The following ARL6IP4 variants were observed in gnomAD, a reference collection of about 807,000 sequenced individuals.
ARL6IP4 encodes the protein ARF like GTPase 6 interacting protein 4.
ARL6IP4 carries 24 observed loss-of-function variants against 28.1 expected under a neutral mutation model. The observed-to-expected ratio is 0.86, with a 90% CI of 0.62 to 1.20. The LOEUF (loss-of-function observed/expected upper bound fraction) is 1.20. Ranked by LOEUF, ARL6IP4 falls within the 50% of genes most tolerant of loss-of-function variation. ARL6IP4 has a pLI of 0.00. For synonymous variants in ARL6IP4, 162 were observed against 122.3 expected (o/e 1.32, Z -2.14); for missense variants, 343 against 302.4 (o/e 1.13, Z -1.00).
intron 1 of ARL6IP4, 47 bp downstream of exon 1, chr12:122,980,792 C>T: frequency 7.7e-7 from 1 of 1,302,558 alleles, no homozygotes; most frequent in Non-Finnish European, 9.7e-7. Context: ...GGCGAGGCCG[C>T]GAAGGGCGCG....
rs773998680 is a variant in ARL6IP4, at chr12:122,981,797, G to A, written c.387G>A (p.Ala129=). Residue 129 remains alanine, a synonymous_variant, in exon 3 of 6, where the codon GCG becomes GCA. Coordinates refer to ENST00000315580, the MANE Select transcript of ARL6IP4 (RefSeq NM_018694.4). The stretch of plus-strand genomic sequence containing the variant: ...TGAAGAAGAAGGGCAAGGAGAAGGC[G>A]GAAGCACAGCAGGTGGAGGCTCTGC... The part of the protein sequence containing the change: ...KKLKKKGKEK[A]EAQQVEALPG... The A allele has an allele frequency of 1.3e-5, 20 of 1,597,806 alleles. No individual in the cohort carries two copies. Among genetic ancestry groups the A allele is most frequent in the East Asian group, 2.3e-5 (1 of 44,082 alleles).
At chr12:122,980,251 C>T, upstream of ARL6IP4, 1 of 1,236,988 alleles carries the variant, frequency 8.1e-7, no homozygotes, top group Non-Finnish European at 1.0e-6. Context: ...GGCTTCCTTC[C>T]GGATGGGCCT....
Position 122,981,745 on chromosome 12 carries a change from GGAA to G in ARL6IP4, c.350_352del (p.Lys117del), listed in dbSNP as rs745875699. 1.1e-4 allele frequency: 174 copies of G among 1,552,174 alleles called. 2 individuals carry two copies. The highest frequency in any genetic ancestry group is 3.9e-4 in the South Asian group (33 of 84,500). On this transcript the variant is annotated inframe_deletion, in exon 3 of 6. Transcript: ENST00000315580. The stretch of plus-strand genomic sequence containing the variant: ...CGGGGGAAGTACAAGGACAAGAGGA[GGAA>G]GAAGAAGAAGAAGAGGAAGAAGCTG...
chr12:122,980,787 G>A, intron 1 of ARL6IP4, 42 bp downstream of exon 1: 2 of 1,303,088 alleles, frequency 1.5e-6, no homozygotes, highest in Middle Eastern at 5.4e-4. Flanking sequence ...GAGGCGGCGA[G>A]GCCGCGAAGG....
chr12:122,980,348 C>G, upstream of ARL6IP4: 12 of 1,308,348 alleles, frequency 9.2e-6, no homozygotes, highest in Non-Finnish European at 1.2e-5. Flanking sequence ...GTGGGCGCGT[C>G]GGAAAGACCA....
In ARL6IP4 at chr12:122,981,668, C is replaced by A; in HGVS notation, c.258C>A (p.Ser86=). 1 of 1,555,054 alleles carries A rather than the reference C, an allele frequency of 6.4e-7. No homozygotes were observed. The highest frequency in any genetic ancestry group is 8.7e-7 in the Non-Finnish European group (1 of 1,149,300). Residue 86 remains serine, a synonymous_variant, in exon 3 of 6, where the codon TCC becomes TCA. Coordinates refer to ENST00000315580, the MANE Select transcript of ARL6IP4 (RefSeq NM_018694.4). ...CCTCTTCTTCCAGTTCTTCTAGCTC[C>A]TCTTCTTCCTCCTCGTCCTCCTCCT... ...SSSSSSSSSS[S]SSSSSSSSSS...
chr12:122,982,468 G>A lies in ARL6IP4; in HGVS notation c.588-1G>A. 1.2e-6 allele frequency: 2 copies of A among 1,612,644 alleles called. No individual in the cohort carries two copies. The highest frequency in any genetic ancestry group is 1.7e-6 in the Non-Finnish European group (2 of 1,179,308). The stretch of plus-strand genomic sequence containing the variant: ...CTGAACGGAGACCCTCCCACCCCCA[G>A]GCTTATTAAGGGAGATGGCGAGGTC... On this transcript the variant is annotated splice_acceptor_variant, in intron 4 of 5. Coordinates refer to ENST00000315580, the MANE Select transcript of ARL6IP4 (RefSeq NM_018694.4). LOFTEE classifies it high-confidence loss of function.
chr12:122,980,343 C>T, upstream of ARL6IP4: 2 of 1,306,858 alleles, frequency 1.5e-6, no homozygotes, highest in Admixed American at 3.1e-5. Flanking sequence ...ACTGGGTGGG[C>T]GCGTCGGAAA....
At position 122,982,861 on chromosome 12, in the gene ARL6IP4, C is replaced by A. The variant is rs541617575; in HGVS notation, c.*185C>A. 46 of 630,464 alleles carry A rather than the reference C, an allele frequency of 7.3e-5. No individual in the cohort carries two copies. In the African/African-American group the frequency reaches 7.3e-4, roughly 10 times the overall value. The allele number at this position is 630,464 out of a possible 1,614,324, so 39.1% of individuals were successfully genotyped here. ...GGGTCACCGGCCTGCTTGGCACCCCCATCTGAAAGAGCAGCACTTCTCAGC... is the reference window on the plus strand; with the variant it reads ...GGGTCACCGGCCTGCTTGGCACCCCAATCTGAAAGAGCAGCACTTCTCAGC... On this transcript the variant is annotated 3_prime_UTR_variant, in exon 6 of 6. Transcript: ENST00000315580.
upstream of ARL6IP4, chr12:122,980,489 G>A (rs2037594242): frequency 2.2e-6 from 3 of 1,365,392 alleles, no homozygotes; most frequent in Admixed American, 3.5e-5. Context: ...GCGCCGAGAG[G>A]GCAGCCTTGG....
At chr12:122,982,253 T>C in intron 4 of ARL6IP4, 179 bp downstream of exon 4, 2 of 816,224 alleles carry the variant, frequency 2.5e-6, no homozygotes, top group Non-Finnish European at 3.9e-6. Flanking sequence ...TGGAGGAGGC[T>C]CTTGAAAGGG....
Position 122,982,503 on chromosome 12 carries a change from A to G in ARL6IP4, c.622A>G (p.Ile208Val). 2.5e-6 allele frequency: 4 copies of G among 1,614,072 alleles called. No homozygotes were observed. The South Asian group carries it at 3.3e-5, about 13-fold the overall frequency. Residue 208 changes from isoleucine (I) to valine (V), a missense_variant, in exon 5 of 6, where the codon ATC becomes GTC. Coordinates refer to ENST00000315580, the MANE Select transcript of ARL6IP4 (RefSeq NM_018694.4). Reference sequence around the variant, plus strand: ...GGGAGATGGCGAGGTCCTAGAGGAAATCGTAACCAAAGAACGACACAGAGA... The same window carrying G: ...GGGAGATGGCGAGGTCCTAGAGGAAGTCGTAACCAAAGAACGACACAGAGA... ...IKGDGEVLEE[I>V]VTKERHREIN...
rs750375982 is a variant in ARL6IP4 at position 122,982,703 on chromosome 12, A to G, written c.*27A>G. ...GGCCCCCGCTGGCCAAGGCCTGTGG[A>G]CGACGCTGGCGGCCCAGCCTGGGCA... On this transcript the variant is annotated 3_prime_UTR_variant, in exon 6 of 6. Transcript: ENST00000315580. The G allele has an allele frequency of 9.3e-6, 15 of 1,608,770 alleles. No individual in the cohort carries two copies. In the South Asian group the frequency reaches 1.5e-4, roughly 17 times the overall value.
Position 122,982,400 on chromosome 12 carries a change from G to C in ARL6IP4, c.588-69G>C, listed in dbSNP as rs961107088. ...CCTGGGACCCCTCTGCCGGCTGCTT[G>C]TGGTTCTGCTCCTCTGGCATTAGGG... is the stretch of plus-strand genomic sequence containing the variant. On this transcript the variant is annotated intron_variant, in intron 4 of 5. Transcript: ENST00000315580. The C allele has an allele frequency of 2.7e-6, 4 of 1,457,548 alleles. No homozygotes were observed. The African/African-American group carries it at 5.6e-5, about 20-fold the overall frequency. The allele number at this position is 1,457,548 out of a possible 1,614,324, so 90.3% of individuals were successfully genotyped here.
chr12:122,982,147 A>C (rs1040674137), intron 4 of ARL6IP4, 73 bp downstream of exon 4: 41 of 1,543,258 alleles, frequency 2.7e-5, no homozygotes, highest in Non-Finnish European at 3.5e-5. Flanking sequence ...TCTCGGGAGG[A>C]GTGGGGCCGG....
Position 122,981,194 on chromosome 12 carries a change from C to A in ARL6IP4, c.55C>A (p.Arg19=). The change falls in exon 2 of 6, where the codon CGG becomes AGG. Residue 19 remains arginine, a synonymous_variant. Transcript: ENST00000315580. ...RSRSRSRSRG[R]GSEKRKKKSR... is the part of the protein sequence containing the mutation. Reference sequence around the variant, plus strand: ...GAGGAGTCGCAGCCGGTCCCGGGGACGGGGGTCGGAAAAGAGAAAGAAGAA... The same window carrying A: ...GAGGAGTCGCAGCCGGTCCCGGGGAAGGGGGTCGGAAAAGAGAAAGAAGAA... The A allele has an allele frequency of 1.3e-6, 2 of 1,549,638 alleles. No individual in the cohort carries two copies. Among genetic ancestry groups the A allele is most frequent in the Non-Finnish European group, 1.7e-6 (2 of 1,146,668 alleles).
At position 122,982,765 on chromosome 12, in the gene ARL6IP4, G is replaced by T; in HGVS notation, c.*89G>T. 1 of 1,377,680 alleles carries T rather than the reference G, an allele frequency of 7.3e-7. No individual in the cohort carries two copies. Among genetic ancestry groups the T allele is most frequent in the Non-Finnish European group, 1.0e-6 (1 of 983,614 alleles). The allele number at this position is 1,377,680 out of a possible 1,614,324, so 85.3% of individuals were successfully genotyped here. ...GCCAGTGGGAAGCCTGATGGGTGCT[G>T]GTGGCCTTTCCCCCGTGGATTGGTC... On this transcript the variant is annotated 3_prime_UTR_variant, in exon 6 of 6. Transcript: ENST00000315580.
intron 1 of ARL6IP4, 185 bp from the exon 2 acceptor site, chr12:122,980,944 G>A: frequency 2.2e-6 from 3 of 1,385,910 alleles, no homozygotes; most frequent in Non-Finnish European, 2.8e-6. Flanking sequence ...CACCGCTGCG[G>A]GGACTGGAGT....
chr12:122,982,549 C>T lies in ARL6IP4; in HGVS notation c.657+11C>T, dbSNP rs2037739407. ...AGAGAGATCAACAAGGTGGGTGTGG[C>T]CCCTCTGCCTGCCATCCGCCCCCAG... is the stretch of plus-strand genomic sequence containing the variant. On this transcript the variant is annotated intron_variant, in intron 5 of 5. Transcript: ENST00000315580. 5 of 1,614,128 alleles carry T rather than the reference C, an allele frequency of 3.1e-6. No individual in the cohort carries two copies. The highest frequency in any genetic ancestry group is 4.2e-6 in the Non-Finnish European group (5 of 1,180,012).
Sources: gnomAD v4.1 joint callset for allele counts on GRCh38, gnomAD v4.1.1 for gene constraint, MANE v1.5 for transcripts, NCBI Gene and HGNC (gene_info 2026-07-23, HGNC 2026-07-21) for gene names.